ADARB2: variants seen among roughly 807,000 people sequenced by gnomAD.
ADARB2 encodes inactive double-stranded RNA-specific editase B2.
In ADARB2, 25 loss-of-function variants were observed where a neutral mutation model predicts 62.2. That is an observed-to-expected ratio of 0.40 (90% confidence interval 0.29 to 0.56). The LOEUF (loss-of-function observed/expected upper bound fraction) is 0.56, where lower values mean the gene tolerates loss of function less well. Among genes scored for constraint, ADARB2 ranks in the 20% least tolerant of loss-of-function variants. ADARB2 has a pLI of 0.43. For synonymous variants in ADARB2, 572 were observed against 500.8 expected, an observed-to-expected ratio of 1.14 and a Z score of -1.90; for missense variants, 1,071 against 1,077.4, an observed-to-expected ratio of 0.99 and a Z score of 0.08.
chr10:1,665,405 C>T (rs1038621788), intron 1 of ADARB2, among the ~76,000 whole-genome samples: 5 of 152,240 alleles, frequency 3.3e-5, no homozygotes, highest in African/African-American at 7.2e-5. Flanking sequence ...TCGCATCCAC[C>T]CAGGGAACGG....
intron 1 of ADARB2, among the ~76,000 whole-genome samples, chr10:1,501,209 G>C (rs1210782260): frequency 1.3e-5 from 2 of 152,212 alleles, no homozygotes; most frequent in Non-Finnish European, 2.9e-5. Context: ...TGGGTAGTGT[G>C]TTTGGGCAGC....
Position 1,217,055 on chromosome 10 carries a change from C to A in ADARB2, c.1578G>T (p.Gly526=), listed in dbSNP as rs140800577. Residue 526 remains glycine (G), a synonymous_variant, in exon 7 of 10, where the codon GGG becomes GGT. Transcript: ENST00000381312. The part of the protein sequence containing the change: ...RGHLRTKIES[G]EGTVPVRGPS... ...GGCCACGCACGGGGACCGTCCCTTC[C>A]CCGGACTCGATCTTGGTGCGCAGGT... 1.2e-6 allele frequency: 2 copies of A among 1,610,444 alleles called. No individual in the cohort carries two copies. Among genetic ancestry groups the A allele is most frequent in the Non-Finnish European group, 1.7e-6 (2 of 1,178,690 alleles).
rs111842048 is a variant in ADARB2 at position 1,270,943 on chromosome 10, G to C, written c.1192+12C>G. ...AGATGAAAATGCCCACAGGAAAAGA[G>C]GAGGTGGCTACCTTTGGTCATGACG... On this transcript the variant is annotated intron_variant, in intron 4 of 9. Coordinates refer to ENST00000381312, the MANE Select transcript of ADARB2 (RefSeq NM_018702.4). 75 of 1,611,532 alleles carry C rather than the reference G, an allele frequency of 4.7e-5. No homozygotes were observed. In the African/African-American group the frequency reaches 6.0e-4, roughly 13 times the overall value.
At chr10:1,669,883 C>T (rs1334383344) in intron 1 of ADARB2, among the ~76,000 whole-genome samples, 1 of 151,924 alleles carries the variant, frequency 6.6e-6, no homozygotes, top group Admixed American at 6.6e-5. Context: ...CACACAGACA[C>T]ACTCACCAAG....
intron 3 of ADARB2, among the ~76,000 whole-genome samples, chr10:1,348,940 C>A (rs1481895229): frequency 6.6e-6 from 1 of 152,114 alleles, no homozygotes; most frequent in Non-Finnish European, 1.5e-5. Flanking sequence ...TGGAAAGAGG[C>A]CTGTGTGACA....
At chr10:1,281,855 T>G (rs1022169090) in intron 3 of ADARB2, among the ~76,000 whole-genome samples, 1 of 152,240 alleles carries the variant, frequency 6.6e-6, no homozygotes, top group Non-Finnish European at 1.5e-5. Flanking sequence ...GCGCTTGACA[T>G]TTATATGAAG....
intron 1 of ADARB2, among the ~76,000 whole-genome samples, chr10:1,569,499 A>C (rs965837601): frequency 5.9e-5 from 9 of 152,176 alleles, no homozygotes; most frequent in African/African-American, 2.2e-4. Flanking sequence ...ACACCTAACG[A>C]GGTCAGCAAA....
intron 1 of ADARB2, among the ~76,000 whole-genome samples, chr10:1,735,046 A>C (rs948651735): frequency 4.1e-4 from 62 of 152,314 alleles, no homozygotes; most frequent in African/African-American, 1.4e-3. Context: ...ACGTTTCCCC[A>C]AAAATTGAAT....
intron 3 of ADARB2, among the ~76,000 whole-genome samples, chr10:1,294,339 C>T (rs1161767233): frequency 6.6e-6 from 1 of 152,084 alleles, no homozygotes; most frequent in African/African-American, 2.4e-5. Context: ...CCCAGGAAGA[C>T]TTGTGATGCC....
At chr10:1,474,670 A>G (rs1831374769) in intron 1 of ADARB2, among the ~76,000 whole-genome samples, 1 of 152,154 alleles carries the variant, frequency 6.6e-6, no homozygotes, top group Non-Finnish European at 1.5e-5. Flanking sequence ...CAGGAGGCAG[A>G]CCCAGTTCAC....
intron 1 of ADARB2, among the ~76,000 whole-genome samples, chr10:1,475,171 C>CT (rs1564301181): frequency 6.6e-6 from 1 of 152,022 alleles, no homozygotes; most frequent in Non-Finnish European, 1.5e-5. Context: ...CTCAGGAGCC[C>CT]CCCCGGGGCA....
chr10:1,591,673 A>ACACG (rs1564340796), intron 1 of ADARB2, among the ~76,000 whole-genome samples: 3 of 151,582 alleles, frequency 2.0e-5, no homozygotes, highest in Non-Finnish European at 4.4e-5. Context: ...ACACACACAC[A>ACACG]CACACGCACA....
chr10:1,654,179 G>C (rs1306052784), intron 1 of ADARB2, among the ~76,000 whole-genome samples: 1 of 152,178 alleles, frequency 6.6e-6, no homozygotes. Context: ...GGGGTGAAAT[G>C]AATCTACCAA....
chr10:1,587,529 A>G lies in ADARB2; in HGVS notation c.100+149522T>C, dbSNP rs151133820. Among the ~76,000 whole-genome samples, 764 of 150,600 alleles carry G rather than the reference A, an allele frequency of 5.1e-3. 10 individuals carry two copies. The highest frequency in any genetic ancestry group is 0.018 in the African/African-American group (732 of 41,348). On this transcript the variant is annotated intron_variant, in intron 1 of 9. Coordinates refer to ENST00000381312, the MANE Select transcript of ADARB2 (RefSeq NM_018702.4). ...GTGAATATGGTTATGCATTTGGTCT[A>G]TTTGTTGTTTTGATTTTTTTTTTCA...
intron 1 of ADARB2, among the ~76,000 whole-genome samples, chr10:1,654,879 T>C (rs1834155302): frequency 6.6e-6 from 1 of 152,236 alleles, no homozygotes; most frequent in African/African-American, 2.4e-5. Context: ...TGATGCATGC[T>C]GGGCCATGCC....
chr10:1,295,325 G>C (rs1031289694), intron 3 of ADARB2, among the ~76,000 whole-genome samples: 1 of 152,120 alleles, frequency 6.6e-6, no homozygotes, highest in Admixed American at 6.5e-5. Context: ...GAGTGTGAGA[G>C]TTCGGTGCAG....
chr10:1,337,233 A>T (rs547227851), intron 3 of ADARB2, among the ~76,000 whole-genome samples: 1 of 152,264 alleles, frequency 6.6e-6, no homozygotes, highest in East Asian at 1.9e-4. Context: ...TGGGCCAAAT[A>T]ATCAAGTATT....
chr10:1,375,997 A>G (rs1310632328), intron 2 of ADARB2, among the ~76,000 whole-genome samples: 3 of 151,768 alleles, frequency 2.0e-5, no homozygotes, highest in Non-Finnish European at 4.4e-5. Context: ...ACACACGCAC[A>G]TGACACATAT....
At chr10:1,263,856 C>T (rs957156640) in intron 4 of ADARB2, among the ~76,000 whole-genome samples, 2 of 152,100 alleles carry the variant, frequency 1.3e-5, no homozygotes, top group African/African-American at 2.4e-5. Flanking sequence ...TTTAAATGTT[C>T]GGGTGGAACA....
Sources: allele counts gnomAD v4.1 joint callset (sites outside exome capture counted in the v4.1 genomes callset), GRCh38; gene constraint gnomAD v4.1.1; transcripts MANE v1.5; gene names NCBI Gene and HGNC (gene_info 2026-07-23, HGNC 2026-07-21).